KANSL1: variants seen among roughly 807,000 people sequenced by gnomAD.
The protein encoded by KANSL1 is KAT8 regulatory NSL complex subunit 1.
Under a neutral mutation model 103.6 loss-of-function variants are expected in KANSL1, and 22 were observed. The observed-to-expected ratio is 0.21, with a 90% CI of 0.15 to 0.30. KANSL1 has a LOEUF of 0.30. Ranked by LOEUF, KANSL1 falls within the 10% of genes least tolerant of loss-of-function variation. The pLI, the probability that KANSL1 is intolerant of heterozygous loss-of-function variation, is 1.00. For missense variants in KANSL1, 1,337 were observed against 1,399.8 expected (o/e 0.96, Z 0.72); for synonymous variants, 600 against 527.6 (o/e 1.14, Z -1.88).
At chr17:46,179,444 C>A (rs1161146960) in intron 1 of KANSL1, among the ~76,000 whole-genome samples, 1 of 144,202 alleles carries the variant, frequency 6.9e-6, no homozygotes, top group Non-Finnish European at 1.6e-5. Flanking sequence ...TCCAGGTGGC[C>A]AACAAGTATT....
chr17:46,144,986 G>A (rs1310022404), intron 2 of KANSL1, among the ~76,000 whole-genome samples: 1 of 152,138 alleles, frequency 6.6e-6, no homozygotes, highest in Non-Finnish European at 1.5e-5. Flanking sequence ...ATTCTAAACT[G>A]GGTTTCTGAT....
chr17:46,121,827 A>G (rs1053965704), intron 2 of KANSL1, among the ~76,000 whole-genome samples: 11 of 152,220 alleles, frequency 7.2e-5, no homozygotes, highest in African/African-American at 2.4e-4. Context: ...TGAAAATATC[A>G]TAAGATGAAA....
At chr17:46,065,615 A>G (rs1241215341) in intron 6 of KANSL1, among the ~76,000 whole-genome samples, 1 of 152,198 alleles carries the variant, frequency 6.6e-6, no homozygotes, top group East Asian at 1.9e-4. Context: ...GTTAACATGC[A>G]CCAAATTACC....
intron 2 of KANSL1, among the ~76,000 whole-genome samples, chr17:46,125,057 A>AG (rs1555557110): frequency 2.5e-5 from 1 of 40,636 alleles, no homozygotes; most frequent in African/African-American, 1.2e-4. Flanking sequence ...GGAGGGAGGG[A>AG]GGAGGGAGGG....
intron 6 of KANSL1, among the ~76,000 whole-genome samples, chr17:46,051,243 G>C (rs1235312218): frequency 1.3e-5 from 2 of 152,206 alleles, no homozygotes; most frequent in Non-Finnish European, 2.9e-5. Context: ...CTTCCCTGAA[G>C]CTTGTAACTT....
chr17:46,032,976 T>G (rs556519715), intron 13 of KANSL1, 104 bp downstream of exon 13: 1 of 845,700 alleles, frequency 1.2e-6, no homozygotes, highest in East Asian at 2.7e-5. Context: ...ATGAGTATGA[T>G]GAGCAACCAA....
chr17:46,165,221 TTTTTTA>T lies in KANSL1; in HGVS notation c.1289+5628_1289+5633del, dbSNP rs1054979444. Among the ~76,000 whole-genome samples the T allele has an allele frequency of 6.2e-5, 7 of 112,962 alleles. 1 individual carries two copies. The highest frequency in any genetic ancestry group is 4.8e-4 in the South Asian group (2 of 4,140). The allele number at this position is 112,962 out of a possible 152,430, so 74.1% of individuals were successfully genotyped here. ...TAATAAATTCAAGTAAGAGTTACTTTTTTTTATTTTTATTTTTACTTATTTATTTGA... is the reference window on the plus strand; with the variant it reads ...TAATAAATTCAAGTAAGAGTTACTTTTTTTTATTTTTACTTATTTATTTGA... On this transcript the variant is annotated intron_variant, in intron 2 of 14. Coordinates refer to ENST00000432791, the MANE Select transcript of KANSL1 (RefSeq NM_015443.4).
At chr17:46,038,355 G>A (rs2077210858) in intron 10 of KANSL1, 183 bp downstream of exon 10, 2 of 630,838 alleles carry the variant, frequency 3.2e-6, no homozygotes, top group Non-Finnish European at 5.3e-6. Flanking sequence ...AAAAACAACA[G>A]AAGGTCAAGT....
intron 2 of KANSL1, among the ~76,000 whole-genome samples, chr17:46,100,868 T>C (rs1009038825): frequency 2.0e-5 from 3 of 152,252 alleles, no homozygotes; most frequent in Non-Finnish European, 4.4e-5. Flanking sequence ...ACCCGAATGG[T>C]GGTAATTTCA....
intron 2 of KANSL1, among the ~76,000 whole-genome samples, chr17:46,122,510 T>G (rs1205199880): frequency 6.6e-6 from 1 of 152,196 alleles, no homozygotes; most frequent in Non-Finnish European, 1.5e-5. Flanking sequence ...TGAGAAATAA[T>G]GGGGGTGATC....
rs889035619 is a variant in KANSL1 at position 46,058,710 on chromosome 17, A to C, written c.1848+7827T>G. 6.4e-5 allele frequency among the ~76,000 whole-genome samples: 8 copies of C among 124,546 alleles called. 1 individual carries two copies. The South Asian group carries it at 1.6e-3, about 25-fold the overall frequency. 81.7% of individuals were successfully genotyped at this position (124,546 alleles called of 152,430 possible). A position where few individuals can be genotyped will look rare whatever the true frequency, so the allele number is the denominator to read the frequency against. ...CACTAATTGGAAAAGCCAGATTTAA[A>C]ACACACACACACACACACACACACA... On this transcript the variant is annotated intron_variant, in intron 6 of 14. Transcript: ENST00000432791.
chr17:46,076,481 G>C (rs1441930679), intron 4 of KANSL1, among the ~76,000 whole-genome samples: 1 of 143,636 alleles, frequency 7.0e-6, no homozygotes, highest in Non-Finnish European at 1.5e-5. Context: ...GAGTGACAGG[G>C]AGAGACTTCA....
Position 46,125,253 on chromosome 17 carries a change from G to A in KANSL1, c.1290-30552C>T, listed in dbSNP as rs905780094. On this transcript the variant is annotated intron_variant, in intron 2 of 14. Coordinates refer to ENST00000432791, the MANE Select transcript of KANSL1 (RefSeq NM_015443.4). ...TCACTTCATGAAGGCTCAGGTGATC[G>A]CTGGTATTTCTTTTAGCAATAAATA... Among the ~76,000 whole-genome samples the A allele has an allele frequency of 5.3e-5, 8 of 152,296 alleles. No individual in the cohort carries two copies. The South Asian group carries it at 1.0e-3, about 20-fold the overall frequency.
At chr17:46,175,425 C>A (rs966296867) in intron 1 of KANSL1, among the ~76,000 whole-genome samples, 3 of 151,866 alleles carry the variant, frequency 2.0e-5, no homozygotes, top group African/African-American at 7.3e-5. Context: ...TCTCGGCTCA[C>A]TGCAACCTCC....
intron 5 of KANSL1, 133 bp downstream of exon 5, chr17:46,067,416 G>A (rs2146666510): frequency 1.5e-6 from 1 of 676,166 alleles, no homozygotes; most frequent in East Asian, 2.6e-5. Flanking sequence ...ATACAGTGAA[G>A]ATTAAAAATG....
chr17:46,209,729 A>C (rs1411906535), intron 1 of KANSL1, among the ~76,000 whole-genome samples: 1 of 152,226 alleles, frequency 6.6e-6, no homozygotes, highest in Non-Finnish European at 1.5e-5. Flanking sequence ...CCTGACCTCA[A>C]GTGATTCACC....
intron 6 of KANSL1, among the ~76,000 whole-genome samples, chr17:46,056,467 T>C (rs2077934711): frequency 6.6e-6 from 1 of 152,212 alleles, no homozygotes; most frequent in Non-Finnish European, 1.5e-5. Flanking sequence ...CAAGTTACTG[T>C]GTCTTCATCT....
intron 2 of KANSL1, among the ~76,000 whole-genome samples, chr17:46,135,660 T>C (rs2044099984): frequency 1.4e-5 from 2 of 147,892 alleles, no homozygotes; most frequent in South Asian, 2.1e-4. Context: ...GCCTCCCAAG[T>C]AGCTGGGACT....
chr17:46,154,365 G>A (rs185074563), intron 2 of KANSL1, among the ~76,000 whole-genome samples: 59 of 152,282 alleles, frequency 3.9e-4, no homozygotes, highest in African/African-American at 7.9e-4. Flanking sequence ...CTGCAGCCTC[G>A]ACCTCCCAGG....
Sources: allele counts gnomAD v4.1 joint callset (sites outside exome capture counted in the v4.1 genomes callset), GRCh38; gene constraint gnomAD v4.1.1; transcripts MANE v1.5; gene names NCBI Gene and HGNC (gene_info 2026-07-23, HGNC 2026-07-21).